The following ROCK1 variants were observed in gnomAD, a reference collection of about 807,000 sequenced individuals.
ROCK1 encodes the protein Rho associated coiled-coil containing protein kinase 1.
In ROCK1, 36 loss-of-function variants were observed where a neutral mutation model predicts 196.8. That is an observed-to-expected ratio of 0.18 (90% CI 0.14 to 0.24). ROCK1 has a LOEUF of 0.24. Among genes scored for constraint, ROCK1 ranks in the 10% least tolerant of loss-of-function variants. The pLI, the probability that ROCK1 is intolerant of heterozygous loss-of-function variation, is 1.00. For missense variants in ROCK1, 920 were observed against 1,562.0 expected, an observed-to-expected ratio of 0.59 and a Z score of 6.93; for synonymous variants, 443 against 515.9, an observed-to-expected ratio of 0.86 and a Z score of 1.91.
intron 2 of ROCK1, among the ~76,000 whole-genome samples, chr18:21,066,982 A>G (rs1331864408): frequency 1.3e-5 from 2 of 152,242 alleles, no homozygotes; most frequent in Non-Finnish European, 1.5e-5. Context: ...AAGTGCATGT[A>G]TAACTTTATA....
At chr18:21,009,249 G>A (rs972178168) in intron 13 of ROCK1, among the ~76,000 whole-genome samples, 9 of 140,874 alleles carry the variant, frequency 6.4e-5, no homozygotes, top group Admixed American at 1.6e-4. Flanking sequence ...TCCTGACCTC[G>A]TGATCCGCCC....
intron 16 of ROCK1, among the ~76,000 whole-genome samples, chr18:20,995,111 T>C (rs189172814): frequency 1.3e-4 from 20 of 152,288 alleles, no homozygotes; most frequent in African/African-American, 4.8e-4. Context: ...CACCATGCAG[T>C]AGACTGACTA....
At chr18:20,980,642 T>A (rs778024253) in intron 21 of ROCK1, among the ~76,000 whole-genome samples, 2 of 152,104 alleles carry the variant, frequency 1.3e-5, no homozygotes, top group South Asian at 2.1e-4. Flanking sequence ...AATGGCCAGG[T>A]GCGGTGGCTC....
intron 9 of ROCK1, 32 bp from the exon 10 acceptor site, chr18:21,028,967 C>G (rs1382399049): frequency 1.3e-6 from 2 of 1,593,986 alleles, no homozygotes; most frequent in African/African-American, 2.7e-5. Context: ...TTGTTCACTT[C>G]AAACTTAAAA....
At position 20,979,732 on chromosome 18, in the gene ROCK1, G is replaced by A. The variant is rs1283008991; in HGVS notation, c.2654+178C>T. Among the ~76,000 whole-genome samples, 6 of 152,102 alleles carry A rather than the reference G, an allele frequency of 3.9e-5. No individual in the cohort carries two copies. The East Asian group carries it at 1.2e-3, about 29-fold the overall frequency. On this transcript the variant is annotated intron_variant, in intron 22 of 32. Transcript: ENST00000399799. Reference sequence around the variant, plus strand: ...GCAATTGGTACAGTGTTGATTTATAGCACTGTTTTTTTCACCATAAAGGCA... The same window carrying A: ...GCAATTGGTACAGTGTTGATTTATAACACTGTTTTTTTCACCATAAAGGCA...
chr18:21,096,042 G>A (rs765519403), intron 1 of ROCK1, among the ~76,000 whole-genome samples: 2 of 150,718 alleles, frequency 1.3e-5, no homozygotes, highest in Non-Finnish European at 2.9e-5. Context: ...CAAAGAAATG[G>A]CAAGTGTTGT....
chr18:21,048,988 T>G, intron 4 of ROCK1, 104 bp downstream of exon 4: 4 of 970,960 alleles, frequency 4.1e-6, no homozygotes, highest in Non-Finnish European at 5.6e-6. Flanking sequence ...ATTTTGTAAC[T>G]GCCAGTAAAT....
At chr18:21,095,375 G>T (rs2036604735) in intron 1 of ROCK1, among the ~76,000 whole-genome samples, 2 of 151,960 alleles carry the variant, frequency 1.3e-5, no homozygotes, top group Admixed American at 6.6e-5. Flanking sequence ...CAAAAGAAAA[G>T]AAATCAGTAT....
At chr18:20,987,698 A>G (rs898161685) in intron 18 of ROCK1, among the ~76,000 whole-genome samples, 3 of 152,224 alleles carry the variant, frequency 2.0e-5, no homozygotes, top group African/African-American at 7.2e-5. Flanking sequence ...AAGTTGCCCC[A>G]TAAGGATTCA....
intron 2 of ROCK1, among the ~76,000 whole-genome samples, chr18:21,064,098 CTAAG>C (rs1280963590): frequency 1.3e-5 from 2 of 152,096 alleles, no homozygotes; most frequent in African/African-American, 4.8e-5. Context: ...AAACAAGCAA[CTAAG>C]TAATTTTTTT....
In ROCK1 at chr18:20,949,554, C is replaced by G. The variant is rs2035162466; in HGVS notation, c.*1830G>C. ...CCCGACATCCTCACAAGGGAGAACTCTATCTTCCAAGGCTGTTTACTACAT... is the reference window on the plus strand; with the variant it reads ...CCCGACATCCTCACAAGGGAGAACTGTATCTTCCAAGGCTGTTTACTACAT... On this transcript the variant is annotated 3_prime_UTR_variant, in exon 33 of 33. Coordinates refer to ENST00000399799, the MANE Select transcript of ROCK1 (RefSeq NM_005406.3). The G allele has an allele frequency of 6.6e-6, 1 of 152,214 alleles. No homozygotes were observed. The highest frequency in any genetic ancestry group is 2.4e-5 in the African/African-American group (1 of 41,458). 9.4% of individuals were successfully genotyped at this position (152,214 alleles called of 1,614,324 possible).
In ROCK1 at chr18:21,098,656, AT is replaced by A. The variant is rs538474370; in HGVS notation, c.93+12161del. On this transcript the variant is annotated intron_variant, in intron 1 of 32. Coordinates refer to ENST00000399799, the MANE Select transcript of ROCK1 (RefSeq NM_005406.3). Reference sequence around the variant, plus strand: ...ATTGCAAAAAAAAAAAAAAATCTGCATTTTACCACAGAAAAAGGGCTAAGCT... The same window carrying A: ...ATTGCAAAAAAAAAAAAAAATCTGCATTTACCACAGAAAAAGGGCTAAGCT... Among the ~76,000 whole-genome samples the A allele has an allele frequency of 1.2e-3, 179 of 150,836 alleles. 1 individual carries two copies. In the South Asian group the frequency reaches 0.036, roughly 30 times the overall value.
At chr18:21,092,820 T>A (rs894562584) in intron 1 of ROCK1, among the ~76,000 whole-genome samples, 1 of 152,192 alleles carries the variant, frequency 6.6e-6, no homozygotes, top group Non-Finnish European at 1.5e-5. Context: ...TTGGTAATCC[T>A]CACTATGACA....
At chr18:21,087,706 T>G (rs148728347) in intron 1 of ROCK1, among the ~76,000 whole-genome samples, 27 of 151,900 alleles carry the variant, frequency 1.8e-4, no homozygotes, top group African/African-American at 6.3e-4. Context: ...AAAAGAGAAA[T>G]AGACAAATCT....
intron 22 of ROCK1, among the ~76,000 whole-genome samples, chr18:20,977,551 C>G (rs528187811): frequency 3.2e-4 from 49 of 152,288 alleles, no homozygotes; most frequent in African/African-American, 1.2e-3. Context: ...TTGATTATAT[C>G]TCTCCTAACT....
chr18:21,104,347 CA>C (rs2036684696), intron 1 of ROCK1, among the ~76,000 whole-genome samples: 1 of 152,152 alleles, frequency 6.6e-6, no homozygotes, highest in African/African-American at 2.4e-5. Flanking sequence ...CCTGTAATCC[CA>C]GCACTGTGGG....
intron 22 of ROCK1, among the ~76,000 whole-genome samples, chr18:20,977,339 T>TTC (rs1173476068): frequency 2.0e-5 from 3 of 152,230 alleles, no homozygotes; most frequent in Non-Finnish European, 4.4e-5. Flanking sequence ...TGACTCAGTT[T>TTC]TCTCTCTCCA....
rs2036148427 is a variant in ROCK1, at chr18:21,045,558, T to C, written c.415-91A>G. On this transcript the variant is annotated intron_variant, in intron 4 of 32. Coordinates refer to ENST00000399799, the MANE Select transcript of ROCK1 (RefSeq NM_005406.3). ...AAGTGGCAAAAATGTTAATAAAAGA[T>C]TTAAGTAAAATAATCAAATTACAGA... 3.0e-6 allele frequency: 3 copies of C among 1,013,350 alleles called. No individual in the cohort carries two copies. The Admixed American group carries it at 9.8e-5, about 33-fold the overall frequency. The allele number at this position is 1,013,350 out of a possible 1,614,324, so 62.8% of individuals were successfully genotyped here.
intron 2 of ROCK1, among the ~76,000 whole-genome samples, chr18:21,056,549 C>A (rs1360952569): frequency 4.6e-5 from 7 of 152,196 alleles, no homozygotes; most frequent in Admixed American, 4.6e-4. Context: ...AAGTCACCAT[C>A]ATCTCTTCCT....
Sources: gnomAD v4.1 joint callset for allele counts (sites outside exome capture counted in the v4.1 genomes callset) on GRCh38, gnomAD v4.1.1 for gene constraint, MANE v1.5 for transcripts, NCBI Gene and HGNC (gene_info 2026-07-23, HGNC 2026-07-21) for gene names.